FAF1: variants seen among roughly 807,000 people sequenced by gnomAD.
FAF1 encodes FAS-associated factor 1.
Under a neutral mutation model 92.5 loss-of-function variants are expected in FAF1, and 25 were observed. The ratio of observed to expected loss-of-function variants is 0.27; its 90% CI spans 0.20 to 0.38. The LOEUF is 0.38. FAF1 is among the 10% of genes least tolerant of loss of function. The probability of loss-of-function intolerance (pLI) is 1.00; values close to 1 mark genes in which losing one functional copy is unlikely to be tolerated. For missense variants in FAF1, 636 were observed against 793.3 expected (o/e 0.80, Z 2.38); for synonymous variants, 234 against 273.2 (o/e 0.86, Z 1.42).
chr1:50,560,947 T>C (rs1403615269), intron 13 of FAF1, among the ~76,000 whole-genome samples: 1 of 152,246 alleles, frequency 6.6e-6, no homozygotes, highest in Non-Finnish European at 1.5e-5. Flanking sequence ...AACAGATTAA[T>C]ACTTACTATG....
chr1:50,846,509 C>T (rs1644301798), intron 2 of FAF1: 8 of 494,834 alleles, frequency 1.6e-5, no homozygotes, highest in Admixed American at 1.1e-4. Flanking sequence ...AAAGCCATGC[C>T]GCGGCCAGAC....
At chr1:50,649,797 AAAAAG>A (rs1156796189) in intron 8 of FAF1, among the ~76,000 whole-genome samples, 3 of 151,002 alleles carry the variant, frequency 2.0e-5, no homozygotes, top group African/African-American at 7.3e-5. Context: ...AAAAAAAAAA[AAAAAG>A]AAAAAGAAAA....
Position 50,490,625 on chromosome 1 carries a change from A to G in FAF1, c.1616T>C (p.Leu539Ser). 2 of 1,613,620 alleles carry G rather than the reference A, an allele frequency of 1.2e-6. No individual in the cohort carries two copies. Among genetic ancestry groups the G allele is most frequent in the Non-Finnish European group, 1.7e-6 (2 of 1,179,500 alleles). Residue 539 changes from leucine (L) to serine (S), a missense_variant, in exon 17 of 19, where the codon TTG becomes TCG. Leu to Ser is a moderately radical substitution (Grantham distance 145). Coordinates refer to ENST00000396153, the MANE Select transcript of FAF1 (RefSeq NM_007051.3). ...HEREMAEQFRLEQIRKEQEEE... is the reference protein window; with the variant it reads ...HEREMAEQFRSEQIRKEQEEE... Reference sequence around the variant, plus strand: ...TTCTTGTTCTTTGCGAATCTGCTCCAAACGAAACTGTTCTGCCATCTCTCT... The same window carrying G: ...TTCTTGTTCTTTGCGAATCTGCTCCGAACGAAACTGTTCTGCCATCTCTCT...
intron 1 of FAF1, among the ~76,000 whole-genome samples, chr1:50,908,627 T>C (rs1439396614): frequency 6.6e-6 from 1 of 152,228 alleles, no homozygotes; most frequent in African/African-American, 2.4e-5. Flanking sequence ...CATTATGTAA[T>C]GGCCTTCTTT....
chr1:50,617,693 GT>G (rs61376152), intron 8 of FAF1, among the ~76,000 whole-genome samples: 2,159 of 119,164 alleles, frequency 0.018, 54 homozygotes, highest in African/African-American at 0.059. Context: ...CTCCTCTTCT[GT>G]TTTTTTTTTT....
Position 50,563,990 on chromosome 1 carries a change from T to C in FAF1, c.1268+3087A>G, listed in dbSNP as rs76272233. Reference sequence around the variant, plus strand: ...TTCTTATTCCAATTTGTTAGAGAAATTAGGAAATTTAATTTATAATAGCAA... The same window carrying C: ...TTCTTATTCCAATTTGTTAGAGAAACTAGGAAATTTAATTTATAATAGCAA... On this transcript the variant is annotated intron_variant, in intron 13 of 18. Transcript: ENST00000396153. 2.8e-3 allele frequency among the ~76,000 whole-genome samples: 423 copies of C among 152,306 alleles called. 1 individual carries two copies. The highest frequency in any genetic ancestry group is 9.8e-3 in the African/African-American group (409 of 41,572).
intron 8 of FAF1, among the ~76,000 whole-genome samples, chr1:50,646,268 T>C (rs1654579439): frequency 2.0e-5 from 3 of 152,090 alleles, no homozygotes; most frequent in Admixed American, 2.0e-4. Context: ...CACACACACA[T>C]TGGTAAAAAT....
chr1:50,955,569 C>G (rs1452693701), intron 1 of FAF1, among the ~76,000 whole-genome samples: 1 of 152,114 alleles, frequency 6.6e-6, no homozygotes. Context: ...CTATAGAAAA[C>G]AATATGACAG....
At chr1:50,564,497 A>T (rs1342320698) in intron 13 of FAF1, among the ~76,000 whole-genome samples, 1 of 152,124 alleles carries the variant, frequency 6.6e-6, no homozygotes, top group Non-Finnish European at 1.5e-5. Context: ...ATCATATGCA[A>T]ATGATGTCAT....
chr1:50,535,451 G>A lies in FAF1; in HGVS notation c.1412C>T (p.Thr471Ile), dbSNP rs777588800. ...NEVLNVIQGN[T>I]TVDELMMRLM... is the part of the protein sequence containing the mutation. ...TCTCATCATTAACTCATCTACTGTT[G>A]TGTTCCCTAAAAACATATAGAGATT... is the stretch of plus-strand genomic sequence containing the variant. The change falls in exon 15 of 19, where the codon ACA (threonine) becomes ATA (isoleucine). Residue 471 changes from threonine to isoleucine, a missense_variant. Coordinates refer to ENST00000396153, the MANE Select transcript of FAF1 (RefSeq NM_007051.3). The A allele has an allele frequency of 1.1e-5, 18 of 1,602,326 alleles. 1 individual carries two copies. The Admixed American group carries it at 1.3e-4, about 12-fold the overall frequency.
At position 50,513,084 on chromosome 1, in the gene FAF1, G is replaced by T. The variant is rs140420828; in HGVS notation, c.1495-21283C>A. On this transcript the variant is annotated intron_variant, in intron 15 of 18. Transcript: ENST00000396153. ...TAGTCCAGACTGTGAGGATCAAATG[G>T]AAAACCAGATGGTGGGACTCTGCTC... Among the ~76,000 whole-genome samples the T allele has an allele frequency of 8.4e-3, 1,279 of 152,260 alleles. 17 individuals are homozygous for T. The highest frequency in any genetic ancestry group is 8.3e-3 in the Non-Finnish European group (566 of 68,000).
intron 3 of FAF1, among the ~76,000 whole-genome samples, chr1:50,792,504 T>C (rs1474735185): frequency 6.6e-6 from 1 of 152,208 alleles, no homozygotes; most frequent in Non-Finnish European, 1.5e-5. Context: ...TAGTTTACTA[T>C]TGGCTAAATG....
chr1:50,920,116 A>T (rs574712885), intron 1 of FAF1, among the ~76,000 whole-genome samples: 1 of 151,954 alleles, frequency 6.6e-6, no homozygotes, highest in Non-Finnish European at 1.5e-5. Flanking sequence ...CCCAGCCAAC[A>T]TGGTGAAACC....
chr1:50,818,872 A>T (rs974629121), intron 2 of FAF1, among the ~76,000 whole-genome samples: 3 of 151,992 alleles, frequency 2.0e-5, no homozygotes, highest in Non-Finnish European at 4.4e-5. Context: ...TGGAGATGGG[A>T]CCCCAGTCTA....
chr1:50,697,611 G>T (rs186578347), intron 7 of FAF1, among the ~76,000 whole-genome samples: 1 of 152,290 alleles, frequency 6.6e-6, no homozygotes, highest in Non-Finnish European at 1.5e-5. Flanking sequence ...GGAAAAGTCA[G>T]TGTCAAAATT....
At chr1:50,892,829 G>A (rs1278232529) in intron 1 of FAF1, among the ~76,000 whole-genome samples, 1 of 151,952 alleles carries the variant, frequency 6.6e-6, no homozygotes, top group Non-Finnish European at 1.5e-5. Context: ...TTTGGCCTTT[G>A]AGGCTATTTC....
At chr1:50,671,892 A>T (rs192397885) in intron 7 of FAF1, among the ~76,000 whole-genome samples, 3 of 151,914 alleles carry the variant, frequency 2.0e-5, no homozygotes, top group Non-Finnish European at 2.9e-5. Flanking sequence ...CTGCAACCTC[A>T]AACTCCTGGA....
chr1:50,715,311 C>T (rs1017527492), intron 6 of FAF1, among the ~76,000 whole-genome samples: 13 of 152,184 alleles, frequency 8.5e-5, no homozygotes, highest in Admixed American at 3.9e-4. Context: ...TTGAAGGTGG[C>T]GGGGTGGGAG....
chr1:50,739,748 C>A (rs530303312), intron 5 of FAF1, among the ~76,000 whole-genome samples: 1 of 152,182 alleles, frequency 6.6e-6, no homozygotes, highest in African/African-American at 2.4e-5. Context: ...TGGATGAGGT[C>A]TCTGGTGTTA....
Sources: allele counts gnomAD v4.1 joint callset (sites outside exome capture counted in the v4.1 genomes callset), GRCh38; gene constraint gnomAD v4.1.1; transcripts MANE v1.5; gene names NCBI Gene and HGNC (gene_info 2026-07-23, HGNC 2026-07-21).